Variants in CD28 observed in about 807,000 individuals in gnomAD.
CD28 encodes T-cell-specific surface glycoprotein CD28.
In CD28, 8 loss-of-function variants were observed where a neutral mutation model predicts 21.4. The observed-to-expected ratio is 0.37, with a 90% CI of 0.22 to 0.68. The LOEUF is 0.68. Among genes scored for constraint, CD28 ranks in the 30% least tolerant of loss-of-function variants. CD28 has a pLI of 0.55. For missense variants in CD28, 239 were observed against 272.2 expected (o/e 0.88, Z 0.86); for synonymous variants, 106 against 104.0 (o/e 1.02, Z -0.12).
intron 1 of CD28, among the ~76,000 whole-genome samples, chr2:203,710,934 C>A (rs1449836920): frequency 6.6e-6 from 1 of 152,138 alleles, no homozygotes; most frequent in African/African-American, 2.4e-5. Context: ...ATTTATGGAA[C>A]TTCACAGAGG....
chr2:203,706,742 G>C lies in CD28; in HGVS notation c.46G>C (p.Val16Leu). The change falls in exon 1 of 4, where the codon GTA (valine) becomes CTA (leucine). Residue 16 changes from valine to leucine, a missense_variant. Coordinates refer to ENST00000324106, the MANE Select transcript of CD28 (RefSeq NM_006139.4). The part of the protein sequence containing the change: ...LALNLFPSIQ[V>L]TGNKILVKQS... ...TCTCAACTTATTCCCTTCAATTCAA[G>C]TAACAGGTAAACAATGTTAATGTCT... 1 of 1,609,460 alleles carries C rather than the reference G, an allele frequency of 6.2e-7. No individual in the cohort carries two copies. The highest frequency in any genetic ancestry group is 8.5e-7 in the Non-Finnish European group (1 of 1,175,814).
chr2:203,723,683 A>C (rs750390721), intron 1 of CD28, among the ~76,000 whole-genome samples: 3 of 152,204 alleles, frequency 2.0e-5, no homozygotes, highest in African/African-American at 7.2e-5. Flanking sequence ...AAATCAAACC[A>C]TGATGAGATA....
chr2:203,732,769 G>A (rs764537908), intron 3 of CD28, among the ~76,000 whole-genome samples: 4 of 152,312 alleles, frequency 2.6e-5, no homozygotes, highest in Non-Finnish European at 4.4e-5. Flanking sequence ...TAGGTTCTGC[G>A]TGGTGTTTGT....
At chr2:203,719,083 G>A (rs1320149757) in intron 1 of CD28, among the ~76,000 whole-genome samples, 1 of 152,084 alleles carries the variant, frequency 6.6e-6, no homozygotes, top group Non-Finnish European at 1.5e-5. Flanking sequence ...TTTTTTTCTA[G>A]ATATGAGCAT....
intron 1 of CD28, among the ~76,000 whole-genome samples, chr2:203,725,839 T>C (rs1213713130): frequency 6.7e-6 from 1 of 148,424 alleles, no homozygotes; most frequent in East Asian, 1.9e-4. Context: ...ACTCTTGCAA[T>C]GGGCAATAAA....
In CD28 at chr2:203,726,913, C is replaced by A; in HGVS notation, c.333C>A (p.Phe111Leu). 1 of 1,613,728 alleles carries A rather than the reference C, an allele frequency of 6.2e-7. No individual in the cohort carries two copies. Among genetic ancestry groups the A allele is most frequent in the Non-Finnish European group, 8.5e-7 (1 of 1,179,608 alleles). ...NLYVNQTDIY[F>L]CKIEVMYPPP... ...ATGTTAACCAAACAGATATTTACTTCTGCAAAATTGAAGTTATGTATCCTC... is the reference window on the plus strand; with the variant it reads ...ATGTTAACCAAACAGATATTTACTTATGCAAAATTGAAGTTATGTATCCTC... Residue 111 changes from phenylalanine to leucine, a missense_variant, in exon 2 of 4, where the codon TTC becomes TTA. Physicochemically the swap from Phe to Leu is conservative, Grantham distance 22. This residue lies in a region of CD28 where 23 missense variants were observed against 50.9 expected (regional missense o/e 0.45). Coordinates refer to ENST00000324106, the MANE Select transcript of CD28 (RefSeq NM_006139.4).
rs1488142844 is a variant in CD28, at chr2:203,726,856, T to C, written c.276T>C (p.Asn92=). 6.2e-7 allele frequency: 1 copy of C among 1,614,006 alleles called. No individual in the cohort carries two copies. The highest frequency in any genetic ancestry group is 8.5e-7 in the Non-Finnish European group (1 of 1,179,986). Reference sequence around the variant, plus strand: ...TCAACTGTGATGGGAAATTGGGCAATGAATCAGTGACATTCTACCTCCAGA... The same window carrying C: ...TCAACTGTGATGGGAAATTGGGCAACGAATCAGTGACATTCTACCTCCAGA... ...TGFNCDGKLG[N]ESVTFYLQNL... Residue 92 remains asparagine (N), a synonymous_variant, in exon 2 of 4, where the codon AAT becomes AAC. Transcript: ENST00000324106.
intron 3 of CD28, 75 bp downstream of exon 3, chr2:203,729,847 T>A: frequency 2.0e-6 from 3 of 1,486,012 alleles, no homozygotes; most frequent in Non-Finnish European, 2.8e-6. Flanking sequence ...GAATTTTGCC[T>A]ATGTGGTTTA....
chr2:203,721,482 G>C (rs961243035), intron 1 of CD28, among the ~76,000 whole-genome samples: 3 of 151,866 alleles, frequency 2.0e-5, no homozygotes, highest in East Asian at 3.9e-4. Flanking sequence ...CCCTTGCCCA[G>C]ACTACTCTTT....
chr2:203,718,561 A>G (rs546430705), intron 1 of CD28, among the ~76,000 whole-genome samples: 231 of 152,328 alleles, frequency 1.5e-3, no homozygotes, highest in Non-Finnish European at 2.7e-3. Flanking sequence ...GATAATTAGA[A>G]TCTTACAACC....
chr2:203,733,703 G>C (rs1390467691), intron 3 of CD28, among the ~76,000 whole-genome samples: 1 of 152,144 alleles, frequency 6.6e-6, no homozygotes, highest in Non-Finnish European at 1.5e-5. Flanking sequence ...GTCATAGATG[G>C]CAAAGAGAAA....
chr2:203,722,800 A>G (rs1440846682), intron 1 of CD28, among the ~76,000 whole-genome samples: 4 of 152,226 alleles, frequency 2.6e-5, no homozygotes, highest in Non-Finnish European at 5.9e-5. Flanking sequence ...GTTAGTAGAC[A>G]AGGCATGGAG....
rs139881881 is a variant in CD28, at chr2:203,734,809, T to A, written c.560T>A (p.Leu187Gln). Residue 187 changes from leucine (L) to glutamine (Q), a missense_variant, in exon 4 of 4, where the codon CTG (leucine) becomes CAG (glutamine). Transcript: ENST00000324106. ...FWVRSKRSRL[L>Q]HSDYMNMTPR... Reference sequence around the variant, plus strand: ...GTGAGGAGTAAGAGGAGCAGGCTCCTGCACAGTGACTACATGAACATGACT... The same window carrying A: ...GTGAGGAGTAAGAGGAGCAGGCTCCAGCACAGTGACTACATGAACATGACT... The A allele has an allele frequency of 6.2e-7, 1 of 1,614,212 alleles. No individual in the cohort carries two copies.
chr2:203,707,759 G>C (rs188330034), intron 1 of CD28, among the ~76,000 whole-genome samples: 1 of 152,286 alleles, frequency 6.6e-6, no homozygotes, highest in East Asian at 1.9e-4. Flanking sequence ...ATAGGAGGCA[G>C]GGTCTGAACC....
intron 3 of CD28, among the ~76,000 whole-genome samples, chr2:203,733,730 A>G (rs1693956920): frequency 6.6e-6 from 1 of 152,220 alleles, no homozygotes. Context: ...CACAAAAAGA[A>G]GAGAGTTATC....
intron 1 of CD28, among the ~76,000 whole-genome samples, chr2:203,714,466 C>A (rs562651760): frequency 5.9e-5 from 9 of 151,872 alleles, no homozygotes; most frequent in Non-Finnish European, 1.3e-4. Context: ...TTGACCTTGG[C>A]TTGGGGAGGC....
At chr2:203,707,126 G>C (rs907977457) in intron 1 of CD28, among the ~76,000 whole-genome samples, 1 of 151,924 alleles carries the variant, frequency 6.6e-6, no homozygotes, top group South Asian at 2.1e-4. Context: ...TTACAGGCAT[G>C]AGCTACCATG....
intron 2 of CD28, among the ~76,000 whole-genome samples, chr2:203,727,811 C>T (rs1691329318): frequency 2.0e-5 from 3 of 152,186 alleles, no homozygotes; most frequent in Admixed American, 1.3e-4. Context: ...TCCTGAGTAG[C>T]TGGGACTACA....
chr2:203,721,799 G>C (rs1057348538), intron 1 of CD28, among the ~76,000 whole-genome samples: 1 of 152,076 alleles, frequency 6.6e-6, no homozygotes, highest in East Asian at 1.9e-4. Context: ...GCCGTAGGAC[G>C]GGAATTGAGT....
Sources: allele counts gnomAD v4.1 joint callset (sites outside exome capture counted in the v4.1 genomes callset), GRCh38; gene constraint gnomAD v4.1.1; regional missense constraint gnomAD v4.1.1; transcripts MANE v1.5; gene names NCBI Gene and HGNC (gene_info 2026-07-23, HGNC 2026-07-21).